SAMMSON: variants seen among roughly 807,000 people sequenced by gnomAD.
The protein encoded by SAMMSON is survival associated mitochondrial melanoma specific oncogenic non-coding RNA, also known as long intergenic non-protein coding RNA 1212.
At chr3:70,348,552 C>T (rs577263331) in intron 7 of SAMMSON, among the ~76,000 whole-genome samples, 7 of 152,266 alleles carry the variant, frequency 4.6e-5, no homozygotes, top group South Asian at 2.1e-4. Flanking sequence ...GGGCTCCACC[C>T]GAAACCTAAT....
chr3:70,140,722 A>G (rs536256255), intron 4 of SAMMSON, among the ~76,000 whole-genome samples: 92 of 152,264 alleles, frequency 6.0e-4, no homozygotes, highest in Admixed American at 1.9e-3. Context: ...TTTGCTCACA[A>G]ATTCTACCTT....
chr3:70,126,561 G>A (rs1013109314), intron 4 of SAMMSON: 2 of 533,056 alleles, frequency 3.8e-6, no homozygotes, highest in Non-Finnish European at 6.8e-6. Flanking sequence ...AAAGTGGGGA[G>A]GAGCTTGTGC....
At chr3:70,233,646 A>G (rs1701582023) in intron 4 of SAMMSON, among the ~76,000 whole-genome samples, 1 of 152,076 alleles carries the variant, frequency 6.6e-6, no homozygotes, top group South Asian at 2.1e-4. Flanking sequence ...TTTGTAATCC[A>G]TGCATCCCTC....
intron 2 of SAMMSON, among the ~76,000 whole-genome samples, chr3:70,418,285 A>G (rs557440879): frequency 6.6e-6 from 1 of 151,892 alleles, no homozygotes; most frequent in East Asian, 1.9e-4. Flanking sequence ...AATCTAGAAA[A>G]CTCCAGGTAA....
intron 9 of SAMMSON, among the ~76,000 whole-genome samples, chr3:70,381,316 G>A (rs902058319): frequency 6.6e-6 from 1 of 152,284 alleles, no homozygotes; most frequent in Non-Finnish European, 1.5e-5. Flanking sequence ...GCTAATAAAT[G>A]TGGAATGAGT....
intron 4 of SAMMSON, among the ~76,000 whole-genome samples, chr3:70,087,142 T>C (rs2067288473): frequency 6.6e-6 from 1 of 152,184 alleles, no homozygotes; most frequent in Admixed American, 6.5e-5. Context: ...TCTCTTGCCC[T>C]GGATCTCCGC....
At chr3:70,325,590 A>G (rs1268319644) in intron 7 of SAMMSON, among the ~76,000 whole-genome samples, 2 of 152,172 alleles carry the variant, frequency 1.3e-5, no homozygotes, top group African/African-American at 4.8e-5. Flanking sequence ...ATTTTGAGAC[A>G]TTTACTTCCT....
At chr3:70,125,995 A>G in intron 4 of SAMMSON, 1 of 817,206 alleles carries the variant, frequency 1.2e-6, no homozygotes, top group Non-Finnish European at 2.0e-6. Context: ...GTCTTCATAG[A>G]TGGGAGGCTG....
chr3:70,291,832 T>A, intron 7 of SAMMSON: 1 of 152,344 alleles, frequency 6.6e-6, no homozygotes, highest in Non-Finnish European at 1.5e-5. Flanking sequence ...TCTTTCAAGA[T>A]GTGCTGTCTG....
intron 7 of SAMMSON, among the ~76,000 whole-genome samples, chr3:70,300,616 C>G (rs1366670434): frequency 6.6e-6 from 1 of 151,898 alleles, no homozygotes. Context: ...TGTTTCATCT[C>G]TAAAATAAAA....
chr3:70,210,973 G>A (rs1701337606), intron 4 of SAMMSON, among the ~76,000 whole-genome samples: 1 of 152,006 alleles, frequency 6.6e-6, no homozygotes, highest in African/African-American at 2.4e-5. Context: ...AATGTGACAG[G>A]AGCTATTAAT....
At chr3:70,411,699 T>C (rs1270264053) in intron 2 of SAMMSON, among the ~76,000 whole-genome samples, 3 of 152,174 alleles carry the variant, frequency 2.0e-5, no homozygotes, top group Non-Finnish European at 4.4e-5. Context: ...CTGATGGTTT[T>C]ATAAATGGCA....
chr3:70,270,252 T>G (rs1270581117), intron 6 of SAMMSON, among the ~76,000 whole-genome samples: 1 of 152,196 alleles, frequency 6.6e-6, no homozygotes, highest in Non-Finnish European at 1.5e-5. Context: ...TCTTTCAAGT[T>G]TCTAAGGTAC....
downstream of SAMMSON, among the ~76,000 whole-genome samples, chr3:70,390,189 T>C (rs950075569): frequency 6.6e-6 from 1 of 152,168 alleles, no homozygotes; most frequent in Admixed American, 6.6e-5. Flanking sequence ...AATTTCATCA[T>C]TTGTAATATG....
chr3:70,323,884 T>G (rs1702556869), intron 7 of SAMMSON, among the ~76,000 whole-genome samples: 1 of 152,024 alleles, frequency 6.6e-6, no homozygotes, highest in Non-Finnish European at 1.5e-5. Context: ...GGCACCAGCT[T>G]CTCCTGCAGG....
At position 70,149,865 on chromosome 3, in the gene SAMMSON, C is replaced by G. The variant is rs143052138; in HGVS notation, n.507+78300C>G. ...TTGGTTTGTGGCCCCAAGTTACAACCCCTGATCAGAAAGCAGAAACCCAAA... is the reference window on the plus strand; with the variant it reads ...TTGGTTTGTGGCCCCAAGTTACAACGCCTGATCAGAAAGCAGAAACCCAAA... On this transcript the variant is annotated intron_variant and non_coding_transcript_variant, in intron 4 of 9. Transcript: ENST00000642114. Among the ~76,000 whole-genome samples, 172 of 152,160 alleles carry G rather than the reference C, an allele frequency of 1.1e-3. 1 individual carries two copies. Among genetic ancestry groups the G allele is most frequent in the African/African-American group, 3.9e-3 (164 of 41,532 alleles).
chr3:70,145,220 C>G (rs62251274), intron 4 of SAMMSON, among the ~76,000 whole-genome samples: 18,893 of 152,006 alleles, frequency 0.12, 1,208 homozygotes, highest in South Asian at 0.22. Context: ...CAAAAACTGA[C>G]AGAAATGAAA....
intron 4 of SAMMSON, among the ~76,000 whole-genome samples, chr3:70,113,909 C>T (rs996769077): frequency 9.2e-5 from 14 of 152,138 alleles, no homozygotes; most frequent in African/African-American, 3.4e-4. Context: ...TGTCTGCAAG[C>T]AGGAAGAGGG....
intron 9 of SAMMSON, chr3:70,358,362 A>G (rs1032341929): frequency 2.0e-5 from 3 of 152,152 alleles, no homozygotes; most frequent in Non-Finnish European, 2.9e-5. Context: ...TATTTACACT[A>G]CAGAAATTGG....
Sources: gnomAD v4.1 joint callset for allele counts (sites outside exome capture counted in the v4.1 genomes callset) on GRCh38, gnomAD v4.1.1 for gene constraint, MANE v1.5 for transcripts, NCBI Gene and HGNC (gene_info 2026-07-23, HGNC 2026-07-21) for gene names.